MGAM: variants seen among roughly 807,000 people sequenced by gnomAD.
The protein encoded by MGAM is alpha-1,4-glucosidase.
A neutral mutation model predicts 358.8 loss-of-function variants in MGAM; 253 were observed. The ratio of observed to expected loss-of-function variants is 0.71; its 90% CI spans 0.64 to 0.78. The LOEUF (loss-of-function observed/expected upper bound fraction) is 0.78. MGAM is among the 30% of genes least tolerant of loss of function. MGAM has a pLI of 0.00. For missense variants in MGAM, 3,080 were observed against 3,432.6 expected (o/e 0.90, Z 2.57); for synonymous variants, 1,105 against 1,227.1 (o/e 0.90, Z 2.08).
chr7:142,064,594 G>C, intron 37 of MGAM, 72 bp downstream of exon 37: 2 of 1,518,464 alleles, frequency 1.3e-6, no homozygotes, highest in Non-Finnish European at 1.8e-6. Flanking sequence ...AGCTACCCTA[G>C]TTTTCCTTTC....
chr7:142,100,172 C>T (rs1816315775), intron 67 of MGAM, among the ~76,000 whole-genome samples: 2 of 152,138 alleles, frequency 1.3e-5, no homozygotes, highest in African/African-American at 4.8e-5. Context: ...GAGTGCTTGC[C>T]CTGTGCCTAG....
rs766999717 is a variant in MGAM at position 142,078,396 on chromosome 7, G to T, written c.5572G>T (p.Glu1858Ter). 85 of 1,533,100 alleles carry T rather than the reference G, an allele frequency of 5.5e-5. 10 individuals carry two copies. In the South Asian group the frequency reaches 9.9e-4, roughly 18 times the overall value. 95.0% of individuals were successfully genotyped at this position (1,533,100 alleles called of 1,614,324 possible). The change falls in exon 48 of 71, where the codon GAA becomes TAA. Residue 1858 changes from glutamate to a stop codon, truncating the protein, a stop_gained. Transcript: ENST00000475668. LOFTEE classifies it high-confidence loss of function. Reference protein sequence around the residue: ...VEWSIKIRDEEKIDCYPDENG... With the variant: ...VEWSIKIRDE ...GTGGAGCATAAAGATAAGGGATGAA[G>T]AAAAAATAGACTGTTACCCTGATGA...
At chr7:141,998,585 C>T (rs1252594857) in intron 1 of MGAM, among the ~76,000 whole-genome samples, 2 of 152,184 alleles carry the variant, frequency 1.3e-5, no homozygotes, top group Non-Finnish European at 2.9e-5. Context: ...AGGACATGAA[C>T]TCATCCTTTT....
At chr7:142,097,374 C>A (rs1404463478) in intron 65 of MGAM, among the ~76,000 whole-genome samples, 1 of 151,914 alleles carries the variant, frequency 6.6e-6, no homozygotes, top group East Asian at 1.9e-4. Flanking sequence ...GTCCTGGGTA[C>A]CAAAGTGCTT....
chr7:142,061,171 A>G lies in MGAM; in HGVS notation c.4122+798A>G, dbSNP rs116619632. 4.7e-3 allele frequency among the ~76,000 whole-genome samples: 723 copies of G among 152,318 alleles called. 5 individuals are homozygous for G. Among genetic ancestry groups the G allele is most frequent in the African/African-American group, 0.016 (673 of 41,568 alleles). On this transcript the variant is annotated intron_variant, in intron 34 of 70. Coordinates refer to ENST00000475668, the MANE Select transcript of MGAM (RefSeq NM_001365693.1). ...GCAGAACATTTTTATGAAGTTGGAA[A>G]GGGTCATCCGAGCAGTACTTAGGGA... is the stretch of plus-strand genomic sequence containing the variant.
chr7:142,000,851 G>A (rs1804678700), intron 1 of MGAM, among the ~76,000 whole-genome samples: 1 of 152,156 alleles, frequency 6.6e-6, no homozygotes, highest in Admixed American at 6.6e-5. Context: ...GGTGTTTATA[G>A]TTTGACCAGC....
intron 1 of MGAM, among the ~76,000 whole-genome samples, chr7:142,002,794 C>T (rs1303660542): frequency 1.3e-5 from 2 of 151,894 alleles, no homozygotes; most frequent in Admixed American, 6.6e-5. Flanking sequence ...GTCAAATTAC[C>T]TCTGTTCACT....
chr7:142,014,656 C>T (rs868962083), intron 3 of MGAM, among the ~76,000 whole-genome samples: 21 of 151,948 alleles, frequency 1.4e-4, no homozygotes, highest in African/African-American at 5.1e-4. Flanking sequence ...TGATATTTAC[C>T]ATGCATTCCT....
At chr7:142,061,996 A>C (rs1426358427) in intron 34 of MGAM, among the ~76,000 whole-genome samples, 1 of 152,236 alleles carries the variant, frequency 6.6e-6, no homozygotes, top group East Asian at 1.9e-4. Context: ...GAGGAAAATA[A>C]AGGGAAGTTG....
intron 2 of MGAM, among the ~76,000 whole-genome samples, chr7:141,990,130 G>A (rs774984627): frequency 2.3e-4 from 35 of 152,078 alleles, no homozygotes; most frequent in Non-Finnish European, 4.6e-4. Flanking sequence ...AGCACTTTGG[G>A]GAATGCACAC....
chr7:142,082,358 G>A, intron 51 of MGAM, 117 bp from the exon 52 acceptor site: 1 of 1,280,302 alleles, frequency 7.8e-7, no homozygotes, highest in Non-Finnish European at 1.1e-6. Flanking sequence ...TGTTTCATGT[G>A]TTTAATTGAT....
chr7:142,092,650 AAAG>A, intron 59 of MGAM, 42 bp downstream of exon 59: 1 of 1,469,898 alleles, frequency 6.8e-7, no homozygotes, highest in Non-Finnish European at 9.3e-7. Context: ...GCCATGATTG[AAAG>A]AAGGATTACA....
intron 21 of MGAM, among the ~76,000 whole-genome samples, chr7:142,041,986 TA>T (rs1470875153): frequency 0.047 from 738 of 15,550 alleles, 17 homozygotes; most frequent in Middle Eastern, 0.17. Flanking sequence ...ATATATAATA[TA>T]ATATATATAT....
In MGAM at chr7:142,061,033, A is replaced by G. The variant is rs1159625615; in HGVS notation, c.4122+660A>G. The stretch of plus-strand genomic sequence containing the variant: ...GAATTTTTTTCCCGATTGACTAAGC[A>G]TTTCTTGCTTGAATGAATACATGGC... On this transcript the variant is annotated intron_variant, in intron 34 of 70. Transcript: ENST00000475668. Among the ~76,000 whole-genome samples, 10 of 152,112 alleles carry G rather than the reference A, an allele frequency of 6.6e-5. No individual in the cohort carries two copies. In the East Asian group the frequency reaches 1.3e-3, roughly 21 times the overall value.
chr7:141,993,457 C>T (rs1157216309), upstream of MGAM, among the ~76,000 whole-genome samples: 1 of 152,188 alleles, frequency 6.6e-6, no homozygotes, highest in Non-Finnish European at 1.5e-5. Context: ...ATGCAAGTCT[C>T]TCAACACTTA....
chr7:142,034,479 TA>T, intron 15 of MGAM, 100 bp downstream of exon 15: 1 of 1,065,738 alleles, frequency 9.4e-7, no homozygotes, highest in Non-Finnish European at 1.4e-6. Flanking sequence ...TAAAATTTCT[TA>T]AGACAAAACA....
rs531890201 is a variant in MGAM at position 142,094,560 on chromosome 7, G to C, written c.7307-60G>C. 1.3e-4 allele frequency: 199 copies of C among 1,557,470 alleles called. 9 individuals carry two copies. In the African/African-American group the frequency reaches 2.2e-3, roughly 17 times the overall value. On this transcript the variant is annotated intron_variant, in intron 61 of 70. Transcript: ENST00000475668. The stretch of plus-strand genomic sequence containing the variant: ...AGGGAGTTGGGATCCTTGGGGAAGA[G>C]GTGAGGAGGCAGGTCGTGAGAGCGA...
At chr7:141,991,523 G>A (rs1338452951), upstream of MGAM, among the ~76,000 whole-genome samples, 6 of 151,162 alleles carry the variant, frequency 4.0e-5, no homozygotes, top group African/African-American at 1.5e-4. Context: ...TGCACCCTCC[G>A]CCTCCCAGGT....
At chr7:142,046,144 A>ATATATTTAT (rs1810382784) in intron 21 of MGAM, among the ~76,000 whole-genome samples, 1 of 144,916 alleles carries the variant, frequency 6.9e-6, no homozygotes, top group African/African-American at 2.5e-5. Context: ...TATATATTAT[A>ATATATTTAT]TATATATTTA....
Sources: allele counts gnomAD v4.1 joint callset (sites outside exome capture counted in the v4.1 genomes callset), GRCh38; gene constraint gnomAD v4.1.1; transcripts MANE v1.5; gene names NCBI Gene and HGNC (gene_info 2026-07-23, HGNC 2026-07-21).